The following ADGRG7 variants were observed in gnomAD, a reference collection of about 807,000 sequenced individuals.
ADGRG7 encodes the protein adhesion G protein-coupled receptor G7, also known as G-protein coupled receptor 128.
Under a neutral mutation model 88.6 loss-of-function variants are expected in ADGRG7, and 82 were observed. The ratio of observed to expected loss-of-function variants is 0.93; its 90% CI spans 0.77 to 1.11. The LOEUF (loss-of-function observed/expected upper bound fraction) is 1.11, where lower values mean the gene tolerates loss of function less well. ADGRG7 is among the 50% of genes most tolerant of loss of function. The pLI, the probability that ADGRG7 is intolerant of heterozygous loss-of-function variation, is 0.00. For missense variants in ADGRG7, 945 were observed against 953.4 expected (o/e 0.99, Z 0.12); for synonymous variants, 381 against 345.2 (o/e 1.10, Z -1.15).
At chr3:100,636,401 A>G (rs1262539082) in intron 5 of ADGRG7, among the ~76,000 whole-genome samples, 1 of 152,230 alleles carries the variant, frequency 6.6e-6, no homozygotes, top group African/African-American at 2.4e-5. Flanking sequence ...TATTAAGAAT[A>G]TTTACATTTT....
chr3:100,692,328 G>A (rs1240806914), intron 15 of ADGRG7, among the ~76,000 whole-genome samples: 2 of 152,124 alleles, frequency 1.3e-5, no homozygotes, highest in Non-Finnish European at 2.9e-5. Flanking sequence ...ATGATTGTCA[G>A]TATCAAATGG....
At chr3:100,644,896 A>C (rs1234278950) in intron 8 of ADGRG7, among the ~76,000 whole-genome samples, 1 of 152,162 alleles carries the variant, frequency 6.6e-6, no homozygotes, top group East Asian at 1.9e-4. Context: ...TTAACTTTTC[A>C]TTTAGGGTCC....
In ADGRG7 at chr3:100,643,372, G is replaced by A. The variant is rs1210801806; in HGVS notation, c.805G>A (p.Gly269Arg). The change falls in exon 7 of 16, where the codon GGG (glycine) becomes AGG (arginine). Residue 269 changes from glycine (G) to arginine (R), a missense_variant. By Grantham distance (125) the Gly-to-Arg change is moderately radical. Coordinates refer to ENST00000273352, the MANE Select transcript of ADGRG7 (RefSeq NM_032787.3). ...AAATTTCTCTTCAGAAAATGCGGTGGGGCCTTCAAATGTTCGCTTCTCTGT... is the reference window on the plus strand; with the variant it reads ...AAATTTCTCTTCAGAAAATGCGGTGAGGCCTTCAAATGTTCGCTTCTCTGT... The part of the protein sequence containing the change: ...SANFSSENAV[G>R]PSNVRFSVQK... The A allele has an allele frequency of 1.2e-6, 2 of 1,614,004 alleles. No homozygotes were observed. The highest frequency in any genetic ancestry group is 2.2e-5 in the South Asian group (2 of 91,072).
intron 1 of ADGRG7, among the ~76,000 whole-genome samples, chr3:100,610,594 G>A (rs1707132850): frequency 6.6e-6 from 1 of 152,174 alleles, no homozygotes. Flanking sequence ...CCTGGAAAAG[G>A]AGGACGTGGG....
intron 6 of ADGRG7, among the ~76,000 whole-genome samples, chr3:100,641,495 TA>T (rs1363333394): frequency 6.6e-6 from 1 of 152,134 alleles, no homozygotes; most frequent in Admixed American, 6.5e-5. Context: ...ATCTGTAACA[TA>T]GATCAGTCAT....
intron 15 of ADGRG7, among the ~76,000 whole-genome samples, chr3:100,683,345 C>T (rs1336244920): frequency 6.6e-6 from 1 of 152,182 alleles, no homozygotes; most frequent in South Asian, 2.1e-4. Context: ...TCGGGGAGCC[C>T]AGACCTAGGA....
Position 100,655,198 on chromosome 3 carries a change from C to T in ADGRG7, c.1726+17C>T, listed in dbSNP as rs1231648279. 1 of 1,516,554 alleles carries T rather than the reference C, an allele frequency of 6.6e-7. No individual in the cohort carries two copies. The highest frequency in any genetic ancestry group is 1.2e-5 in the South Asian group (1 of 84,364). The allele number at this position is 1,516,554 out of a possible 1,614,324, so 93.9% of individuals were successfully genotyped here. A position where few individuals can be genotyped will look rare whatever the true frequency, so the allele number is the denominator to read the frequency against. On this transcript the variant is annotated intron_variant, in intron 12 of 15. Coordinates refer to ENST00000273352, the MANE Select transcript of ADGRG7 (RefSeq NM_032787.3). The stretch of plus-strand genomic sequence containing the variant: ...TTGGATGGGGTAAGTGTTTGCATCT[C>T]CCCTTTCTCAGGAATTTAATTTTGT...
chr3:100,645,490 A>C (rs1707728177), intron 8 of ADGRG7, among the ~76,000 whole-genome samples: 1 of 152,214 alleles, frequency 6.6e-6, no homozygotes, highest in South Asian at 2.1e-4. Flanking sequence ...TTTGAACAGG[A>C]GACCGACCTC....
intron 6 of ADGRG7, among the ~76,000 whole-genome samples, chr3:100,638,031 C>G (rs1430600859): frequency 6.6e-6 from 1 of 152,216 alleles, no homozygotes; most frequent in Non-Finnish European, 1.5e-5. Flanking sequence ...GGGGTGCCTG[C>G]AACCCCAAGG....
rs148425841 is a variant in ADGRG7 at position 100,675,526 on chromosome 3, G to A, written c.2136+6421G>A. 4.2e-3 allele frequency among the ~76,000 whole-genome samples: 638 copies of A among 152,214 alleles called. 4 individuals are homozygous for A. Among genetic ancestry groups the A allele is most frequent in the Non-Finnish European group, 7.4e-3 (505 of 67,982 alleles). On this transcript the variant is annotated intron_variant, in intron 15 of 15. Coordinates refer to ENST00000273352, the MANE Select transcript of ADGRG7 (RefSeq NM_032787.3). ...TTTTGTTGAGGATTTTTGCATCAAC[G>A]TTCATCAGATGCATTGGCCTGTAGT... is the stretch of plus-strand genomic sequence containing the variant.
intron 15 of ADGRG7, among the ~76,000 whole-genome samples, chr3:100,680,492 C>T (rs944494947): frequency 6.6e-6 from 1 of 151,880 alleles, no homozygotes; most frequent in Non-Finnish European, 1.5e-5. Flanking sequence ...TACCATTTTC[C>T]TATTTGTTTT....
At chr3:100,648,380 A>T (rs1158581007) in intron 10 of ADGRG7, among the ~76,000 whole-genome samples, 1 of 152,144 alleles carries the variant, frequency 6.6e-6, no homozygotes, top group Non-Finnish European at 1.5e-5. Flanking sequence ...TATGAATCTT[A>T]CGATCCTTTT....
chr3:100,634,720 G>T (rs1038874944), intron 4 of ADGRG7, among the ~76,000 whole-genome samples: 1 of 152,178 alleles, frequency 6.6e-6, no homozygotes, highest in Non-Finnish European at 1.5e-5. Flanking sequence ...ACCAGTGTTT[G>T]GTTCTTAGCT....
At chr3:100,665,657 T>A (rs1481195615) in intron 14 of ADGRG7, among the ~76,000 whole-genome samples, 1 of 152,254 alleles carries the variant, frequency 6.6e-6, no homozygotes, top group Non-Finnish European at 1.5e-5. Flanking sequence ...AAAGTATGTT[T>A]ACTGAACATA....
Position 100,683,641 on chromosome 3 carries a change from G to A in ADGRG7, c.2137-11103G>A, listed in dbSNP as rs116059941. 3.4e-3 allele frequency among the ~76,000 whole-genome samples: 518 copies of A among 152,328 alleles called. 5 individuals carry two copies. The highest frequency in any genetic ancestry group is 5.0e-3 in the Non-Finnish European group (340 of 68,036). On this transcript the variant is annotated intron_variant, in intron 15 of 15. Coordinates refer to ENST00000273352, the MANE Select transcript of ADGRG7 (RefSeq NM_032787.3). ...TCGTCCTTGGCAGGTGTGGGATCCA[G>A]GTCGGTAGCTAAGCCAAGCACAGCC...
intron 15 of ADGRG7, among the ~76,000 whole-genome samples, chr3:100,685,956 T>C (rs1266308896): frequency 6.6e-6 from 1 of 150,862 alleles, no homozygotes; most frequent in African/African-American, 2.4e-5. Flanking sequence ...CCACACTGAC[T>C]TCCACAATGG....
chr3:100,618,353 TA>T (rs1267996796), intron 1 of ADGRG7, among the ~76,000 whole-genome samples: 1 of 152,248 alleles, frequency 6.6e-6, no homozygotes, highest in African/African-American at 2.4e-5. Context: ...GTTTTAGGTC[TA>T]ACATTTAAGT....
chr3:100,692,036 G>A (rs2094994827), intron 15 of ADGRG7, among the ~76,000 whole-genome samples: 3 of 152,208 alleles, frequency 2.0e-5, no homozygotes, highest in Non-Finnish European at 4.4e-5. Context: ...ACTACAGTGT[G>A]AAGCTGGTGT....
Position 100,617,696 on chromosome 3 carries a change from G to A in ADGRG7, c.115+7725G>A, listed in dbSNP as rs557188353. ...ACATATGTGTGCATGTGTCTTTATA[G>A]CAGTATGATTTATAATCCTTTGGGT... On this transcript the variant is annotated intron_variant, in intron 1 of 15. Transcript: ENST00000273352. Among the ~76,000 whole-genome samples, 1,072 of 152,272 alleles carry A rather than the reference G, an allele frequency of 7.0e-3. 9 individuals are homozygous for A. The highest frequency in any genetic ancestry group is 0.013 in the African/African-American group (544 of 41,562).
Sources: gnomAD v4.1 joint callset for allele counts (sites outside exome capture counted in the v4.1 genomes callset) on GRCh38, gnomAD v4.1.1 for gene constraint, MANE v1.5 for transcripts, NCBI Gene and HGNC (gene_info 2026-07-23, HGNC 2026-07-21) for gene names.